BAALC: variants seen among roughly 807,000 people sequenced by gnomAD.
BAALC encodes the protein brain and acute leukemia cytoplasmic protein.
In BAALC, 9 loss-of-function variants were observed where a neutral mutation model predicts 15.5. The ratio of observed to expected loss-of-function variants is 0.58; its 90% confidence interval spans 0.35 to 1.02. The LOEUF (loss-of-function observed/expected upper bound fraction) is 1.02. Ranked by LOEUF, BAALC falls within the 50% of genes least tolerant of loss-of-function variation. BAALC has a pLI of 0.02. For missense variants in BAALC, 201 were observed against 192.4 expected (o/e 1.04, Z -0.27); for synonymous variants, 80 against 74.6 (o/e 1.07, Z -0.37).
At chr8:103,188,595 G>A (rs1414082549) in intron 1 of BAALC, among the ~76,000 whole-genome samples, 2 of 152,176 alleles carry the variant, frequency 1.3e-5, no homozygotes, top group African/African-American at 4.8e-5. Context: ...CAGAATGCAG[G>A]GTGTGTGGAG....
At chr8:103,153,464 T>C (rs1041657117) in intron 1 of BAALC, among the ~76,000 whole-genome samples, 6 of 152,234 alleles carry the variant, frequency 3.9e-5, no homozygotes, top group Non-Finnish European at 7.3e-5. Context: ...AAACCACATA[T>C]GCTAATATTG....
chr8:103,149,156 C>T (rs1452618737), intron 1 of BAALC, among the ~76,000 whole-genome samples: 1 of 78,704 alleles, frequency 1.3e-5, no homozygotes, highest in Non-Finnish European at 2.4e-5. Flanking sequence ...CTGCTAAGCA[C>T]GAATGTAGTA....
intron 1 of BAALC, among the ~76,000 whole-genome samples, chr8:103,163,228 C>T (rs1811268330): frequency 6.6e-6 from 1 of 152,082 alleles, no homozygotes; most frequent in Non-Finnish European, 1.5e-5. Flanking sequence ...GTTCCTCTTT[C>T]ATGATTTGTC....
chr8:103,198,886 A>G lies in BAALC; in HGVS notation c.161-14033A>G, dbSNP rs746221790. Among the ~76,000 whole-genome samples, 102 of 152,320 alleles carry G rather than the reference A, an allele frequency of 6.7e-4. 1 individual carries two copies. Among genetic ancestry groups the G allele is most frequent in the Non-Finnish European group, 1.1e-3 (76 of 68,026 alleles). ...AAATTGTGCCACTGCACTCCAGCCT[A>G]GGCAACAGAGTGAGACTCTGAAAGC... On this transcript the variant is annotated intron_variant, in intron 1 of 2. Transcript: ENST00000309982.
At chr8:103,161,923 C>T (rs1811233646) in intron 1 of BAALC, among the ~76,000 whole-genome samples, 1 of 151,460 alleles carries the variant, frequency 6.6e-6, no homozygotes. Context: ...GCCCTATATA[C>T]AATCTGTTCA....
chr8:103,156,100 T>C (rs1489968328), intron 1 of BAALC, among the ~76,000 whole-genome samples: 1 of 152,214 alleles, frequency 6.6e-6, no homozygotes, highest in Admixed American at 6.5e-5. Flanking sequence ...CTAGATGATT[T>C]TGAAGCACAG....
At chr8:103,146,886 A>G (rs1470800510) in intron 1 of BAALC, among the ~76,000 whole-genome samples, 2 of 152,194 alleles carry the variant, frequency 1.3e-5, no homozygotes, top group African/African-American at 4.8e-5. Flanking sequence ...TGGGCAGAGT[A>G]TCATGTTGTG....
chr8:103,162,824 G>A (rs891075459), intron 1 of BAALC, among the ~76,000 whole-genome samples: 3 of 152,056 alleles, frequency 2.0e-5, no homozygotes, highest in African/African-American at 7.2e-5. Context: ...CTTGAATACT[G>A]GTAAGACACG....
At chr8:103,207,110 G>A (rs1439603169) in intron 1 of BAALC, among the ~76,000 whole-genome samples, 1 of 152,146 alleles carries the variant, frequency 6.6e-6, no homozygotes, top group Non-Finnish European at 1.5e-5. Flanking sequence ...TGCAGGGTCA[G>A]GTGTGTGGAT....
intron 1 of BAALC, among the ~76,000 whole-genome samples, chr8:103,169,444 C>T (rs113970950): frequency 2.2e-3 from 339 of 152,264 alleles, no homozygotes; most frequent in Non-Finnish European, 4.2e-3. Flanking sequence ...CTAATGTCTG[C>T]TGGTCCTGAA....
At chr8:103,192,012 C>A (rs1811979030) in intron 1 of BAALC, among the ~76,000 whole-genome samples, 1 of 152,154 alleles carries the variant, frequency 6.6e-6, no homozygotes, top group Non-Finnish European at 1.5e-5. Flanking sequence ...ACTGCCACAA[C>A]AGAGAGTCTG....
chr8:103,206,416 A>C (rs531764107), intron 1 of BAALC, among the ~76,000 whole-genome samples: 23 of 152,228 alleles, frequency 1.5e-4, no homozygotes, highest in African/African-American at 5.3e-4. Flanking sequence ...TTGGAGAAGT[A>C]TGTAGAGGTC....
chr8:103,227,741 C>T (rs1162975454), intron 2 of BAALC, among the ~76,000 whole-genome samples: 2 of 151,954 alleles, frequency 1.3e-5, no homozygotes, highest in African/African-American at 2.4e-5. Context: ...TGCCCCTATT[C>T]TCTACCCTCC....
At chr8:103,164,793 G>A (rs1811308501) in intron 1 of BAALC, among the ~76,000 whole-genome samples, 1 of 152,170 alleles carries the variant, frequency 6.6e-6, no homozygotes, top group Non-Finnish European at 1.5e-5. Flanking sequence ...ACGAATCTCT[G>A]TTTTCCCCAT....
chr8:103,203,561 C>T (rs866515337), intron 1 of BAALC, among the ~76,000 whole-genome samples: 10 of 152,100 alleles, frequency 6.6e-5, no homozygotes, highest in Non-Finnish European at 1.3e-4. Context: ...AAAAAGAAAC[C>T]CTGAACTTAT....
chr8:103,162,766 C>A (rs1466917658), intron 1 of BAALC, among the ~76,000 whole-genome samples: 1 of 144,940 alleles, frequency 6.9e-6, no homozygotes, highest in South Asian at 2.2e-4. Flanking sequence ...TTAATAATAA[C>A]TATAAAGGAC....
chr8:103,185,055 A>G (rs896108530), intron 1 of BAALC, among the ~76,000 whole-genome samples: 5 of 152,108 alleles, frequency 3.3e-5, no homozygotes, highest in Non-Finnish European at 1.5e-5. Context: ...TCTCCGAAGA[A>G]TAGCCTCAAC....
At chr8:103,190,873 G>A (rs1260109478) in intron 1 of BAALC, 2 of 152,192 alleles carry the variant, frequency 1.3e-5, no homozygotes, top group Non-Finnish European at 2.9e-5. Context: ...AATGGGAGCA[G>A]AGAGTTGGGT....
chr8:103,143,464 A>G (rs1313232353), intron 1 of BAALC, among the ~76,000 whole-genome samples: 1 of 152,206 alleles, frequency 6.6e-6, no homozygotes, highest in African/African-American at 2.4e-5. Context: ...AAGAGCCAGT[A>G]GATTCAGGAG....
Sources: allele counts gnomAD v4.1 joint callset (sites outside exome capture counted in the v4.1 genomes callset), GRCh38; gene constraint gnomAD v4.1.1; transcripts MANE v1.5; gene names NCBI Gene and HGNC (gene_info 2026-07-23, HGNC 2026-07-21).